The following DHX37 variants were observed in gnomAD, a reference collection of about 807,000 sequenced individuals.
DHX37 encodes the protein probable ATP-dependent RNA helicase DHX37.
Under a neutral mutation model 134.3 loss-of-function variants are expected in DHX37, and 52 were observed. The observed-to-expected ratio is 0.39, with a 90% confidence interval of 0.31 to 0.49. DHX37 has a LOEUF of 0.49. DHX37 is among the 20% of genes least tolerant of loss of function. DHX37 has a pLI of 0.93. For missense variants in DHX37, 1,344 were observed against 1,580.8 expected, an observed-to-expected ratio of 0.85 and a Z score of 2.54; for synonymous variants, 634 against 670.7, an observed-to-expected ratio of 0.95 and a Z score of 0.85.
intron 4 of DHX37, among the ~76,000 whole-genome samples, chr12:124,979,479 G>C (rs779838919): frequency 6.6e-6 from 1 of 152,178 alleles, no homozygotes; most frequent in East Asian, 1.9e-4. Flanking sequence ...GTGAATACTC[G>C]ATAGCAGTGG....
intron 15 of DHX37, among the ~76,000 whole-genome samples, chr12:124,963,355 C>T (rs1180789107): frequency 6.6e-6 from 1 of 151,966 alleles, no homozygotes; most frequent in Non-Finnish European, 1.5e-5. Context: ...CAGGCTGGGG[C>T]GGGGAAGAAG....
At chr12:124,973,702 C>T (rs183226453) in intron 6 of DHX37, among the ~76,000 whole-genome samples, 13 of 131,402 alleles carry the variant, frequency 9.9e-5, no homozygotes, top group South Asian at 2.6e-4. Context: ...AGTGCAATGG[C>T]GTGATCTCGG....
At chr12:124,972,436 G>GT (rs2135955885) in intron 7 of DHX37, 67 bp downstream of exon 7, 1 of 1,547,202 alleles carries the variant, frequency 6.5e-7, no homozygotes, top group Non-Finnish European at 8.9e-7. Context: ...CATATCCCAG[G>GT]TGACATCCTA....
intron 25 of DHX37, 38 bp from the exon 26 acceptor site, chr12:124,948,219 G>C (rs749882610): frequency 1.2e-6 from 2 of 1,603,056 alleles, no homozygotes; most frequent in African/African-American, 2.7e-5. Context: ...CAGGCAGCCA[G>C]GGCACAGACC....
In DHX37 at chr12:124,974,102, C is replaced by T. The variant is rs540343368; in HGVS notation, c.980+1317G>A. On this transcript the variant is annotated intron_variant, in intron 6 of 26. Transcript: ENST00000308736. The stretch of plus-strand genomic sequence containing the variant: ...CCGAGTAGCTGGCATTACAGGCACC[C>T]GCCACTGCGCACGGCTAATTTTTTG... Among the ~76,000 whole-genome samples, 32 of 151,974 alleles carry T rather than the reference C, an allele frequency of 2.1e-4. 1 individual carries two copies. The highest frequency in any genetic ancestry group is 1.9e-3 in the East Asian group (10 of 5,152).
chr12:124,968,503 C>T lies in DHX37; in HGVS notation c.1408+31G>A, dbSNP rs200539339. ...TTCAGCGAGGGTTTAGGAAGGGAGGCTTCTTTCCCCTGACCTGGCCAGGGC... is the reference window on the plus strand; with the variant it reads ...TTCAGCGAGGGTTTAGGAAGGGAGGTTTCTTTCCCCTGACCTGGCCAGGGC... On this transcript the variant is annotated intron_variant, in intron 10 of 26. Transcript: ENST00000308736. The T allele has an allele frequency of 9.3e-5, 149 of 1,607,922 alleles. No individual in the cohort carries two copies. The East Asian group carries it at 3.2e-3, about 34-fold the overall frequency.
At chr12:124,984,869 G>A (rs946803929) in intron 2 of DHX37, among the ~76,000 whole-genome samples, 2 of 152,162 alleles carry the variant, frequency 1.3e-5, no homozygotes, top group Non-Finnish European at 2.9e-5. Context: ...TTTGGAAAAA[G>A]GTTTTGTAGA....
At position 124,954,222 on chromosome 12, in the gene DHX37, A is replaced by G. The variant is rs1391002626; in HGVS notation, c.2454-11T>C. 6.4e-7 allele frequency: 1 copy of G among 1,569,486 alleles called. No homozygotes were observed. Among genetic ancestry groups the G allele is most frequent in the East Asian group, 2.2e-5 (1 of 44,502 alleles). The stretch of plus-strand genomic sequence containing the variant: ...TCACTGGCCGCTGGTCTGCAAACAC[A>G]CATACATACTGTCTGGGCTGGGGCC... On this transcript the variant is annotated splice_polypyrimidine_tract_variant and intron_variant, in intron 18 of 26. Transcript: ENST00000308736.
intron 2 of DHX37, among the ~76,000 whole-genome samples, chr12:124,984,029 C>T (rs1033699540): frequency 1.3e-5 from 2 of 152,158 alleles, no homozygotes; most frequent in African/African-American, 4.8e-5. Flanking sequence ...TTTTTCTGTG[C>T]ATTATAGGCT....
chr12:124,972,890 C>T (rs1292368723), intron 6 of DHX37, among the ~76,000 whole-genome samples: 1 of 152,262 alleles, frequency 6.6e-6, no homozygotes, highest in Non-Finnish European at 1.5e-5. Flanking sequence ...GAGACCTGCA[C>T]ATGGGCTGGA....
At chr12:124,964,803 A>G (rs766087252) in intron 14 of DHX37, 127 bp downstream of exon 14, 1 of 1,433,004 alleles carries the variant, frequency 7.0e-7, no homozygotes, top group Non-Finnish European at 9.4e-7. Flanking sequence ...AACTACCCCA[A>G]TATTCCTCAA....
intron 19 of DHX37, 21 bp from the exon 20 acceptor site, chr12:124,954,017 A>G: frequency 1.2e-6 from 2 of 1,613,630 alleles, no homozygotes; most frequent in Non-Finnish European, 1.7e-6. Flanking sequence ...AAGAGGGGGC[A>G]TGCTCTCTCT....
At chr12:124,961,889 T>C (rs528846826) in intron 15 of DHX37, among the ~76,000 whole-genome samples, 2 of 151,936 alleles carry the variant, frequency 1.3e-5, no homozygotes, top group Admixed American at 6.6e-5. Flanking sequence ...GAATCCACAA[T>C]ATGATACCAC....
intron 16 of DHX37, among the ~76,000 whole-genome samples, chr12:124,959,834 C>A (rs1057483840): frequency 2.6e-5 from 4 of 152,208 alleles, no homozygotes; most frequent in Admixed American, 2.6e-4. Flanking sequence ...TGGACAAAAA[C>A]CTTCACTTCC....
chr12:124,971,713 G>A (rs1594498270), intron 7 of DHX37, among the ~76,000 whole-genome samples: 1 of 152,322 alleles, frequency 6.6e-6, no homozygotes, highest in East Asian at 1.9e-4. Context: ...AGCCAGGAGG[G>A]CTGGAATCAC....
At chr12:124,960,847 C>T (rs1459131298) in intron 15 of DHX37, among the ~76,000 whole-genome samples, 3 of 152,140 alleles carry the variant, frequency 2.0e-5, no homozygotes, top group Non-Finnish European at 4.4e-5. Context: ...CCCAGCTACT[C>T]GGGAGGCTGA....
rs144364142 is a variant in DHX37 at position 124,956,715 on chromosome 12, C to T, written c.2429G>A (p.Arg810Gln). 680 of 1,583,528 alleles carry T rather than the reference C, an allele frequency of 4.3e-4. 7 individuals carry two copies. The East Asian group carries it at 0.014, about 33-fold the overall frequency. ...CCTGTCCAGCTCCTCAAACAGCTCC[C>T]GCACCGTCATGCTGGCCACGATGGT... Reference protein sequence around the residue: ...AITIVASMTVRELFEELDRPA... With the variant: ...AITIVASMTVQELFEELDRPA... The change falls in exon 18 of 27, where the codon CGG becomes CAG. Residue 810 changes from arginine (R) to glutamine (Q), a missense_variant. Arg to Gln is a conservative substitution (Grantham distance 43, BLOSUM62 1). Around this residue, in one of 7 missense-constraint regions of DHX37, gnomAD observed 558 missense variants for 650.0 expected, o/e 0.86. Transcript: ENST00000308736.
intron 8 of DHX37, 68 bp downstream of exon 8, chr12:124,971,234 C>T (rs1954515814): frequency 2.6e-6 from 4 of 1,564,634 alleles, no homozygotes; most frequent in Non-Finnish European, 3.5e-6. Context: ...TGAAGGAAGC[C>T]CAAGCCTCTG....
At position 124,966,887 on chromosome 12, in the gene DHX37, G is replaced by T. The variant is rs758918551; in HGVS notation, c.1505-9C>A. 7 of 1,614,238 alleles carry T rather than the reference G, an allele frequency of 4.3e-6. No individual in the cohort carries two copies. The highest frequency in any genetic ancestry group is 1.7e-4 in the Middle Eastern group (1 of 6,060). On this transcript the variant is annotated splice_polypyrimidine_tract_variant and intron_variant, in intron 11 of 26. Transcript: ENST00000308736. ...CTGATCGTCGTCCTTTTCTGGGAGA[G>T]GGGCAGGTTGGGGAGAAAGGCGTCT... is the stretch of plus-strand genomic sequence containing the variant.
Sources: gnomAD v4.1 joint callset for allele counts (sites outside exome capture counted in the v4.1 genomes callset) on GRCh38, gnomAD v4.1.1 for gene constraint, gnomAD v4.1.1 regional missense constraint, MANE v1.5 for transcripts, NCBI Gene and HGNC (gene_info 2026-07-23, HGNC 2026-07-21) for gene names.